The following KLHL32 variants were observed in gnomAD, a reference collection of about 807,000 sequenced individuals.
KLHL32 encodes kelch like family member 32.
A neutral mutation model predicts 64.8 loss-of-function variants in KLHL32; 35 were observed. That is an observed-to-expected ratio of 0.54 (90% CI 0.41 to 0.72). The LOEUF (loss-of-function observed/expected upper bound fraction) is 0.72. Among genes scored for constraint, KLHL32 ranks in the 30% least tolerant of loss-of-function variants. The pLI is 0.00. For missense variants in KLHL32, 589 were observed against 768.5 expected, an observed-to-expected ratio of 0.77 and a Z score of 2.76; for synonymous variants, 259 against 281.0, an observed-to-expected ratio of 0.92 and a Z score of 0.78.
At chr6:96,977,419 G>A (rs1040789932) in intron 3 of KLHL32, among the ~76,000 whole-genome samples, 12 of 152,106 alleles carry the variant, frequency 7.9e-5, no homozygotes, top group South Asian at 2.1e-4. Context: ...TAGCCAGAAT[G>A]TTTTGAAACA....
chr6:97,032,113 G>A (rs1239992296), intron 3 of KLHL32, among the ~76,000 whole-genome samples: 1 of 152,190 alleles, frequency 6.6e-6, no homozygotes, highest in Non-Finnish European at 1.5e-5. Flanking sequence ...TTGCCCACAT[G>A]ACTAGTAGTT....
chr6:96,971,339 G>C (rs1775083787), intron 2 of KLHL32, among the ~76,000 whole-genome samples: 3 of 152,132 alleles, frequency 2.0e-5, no homozygotes, highest in African/African-American at 7.2e-5. Flanking sequence ...TAGGATTTCT[G>C]TGACCAAAAA....
At chr6:96,988,707 A>G (rs1777441900) in intron 3 of KLHL32, among the ~76,000 whole-genome samples, 1 of 152,254 alleles carries the variant, frequency 6.6e-6, no homozygotes, top group Non-Finnish European at 1.5e-5. Context: ...ACCAACCCAA[A>G]TGTCCAACAA....
intron 3 of KLHL32, among the ~76,000 whole-genome samples, chr6:97,034,677 C>T (rs1784039685): frequency 1.3e-5 from 2 of 151,742 alleles, no homozygotes; most frequent in African/African-American, 4.8e-5. Context: ...CTTTGATTTC[C>T]TTCACCAATG....
intron 4 of KLHL32, among the ~76,000 whole-genome samples, chr6:97,046,443 GTGTT>G (rs1175253974): frequency 1.3e-5 from 2 of 152,026 alleles, no homozygotes; most frequent in Non-Finnish European, 2.9e-5. Context: ...AGGCAGAAAA[GTGTT>G]TGGGCATTTA....
chr6:97,105,933 A>C (rs1006628505), intron 6 of KLHL32, among the ~76,000 whole-genome samples: 2 of 152,184 alleles, frequency 1.3e-5, no homozygotes, highest in South Asian at 2.1e-4. Context: ...GAGTGCAATA[A>C]TGTTTATTCT....
intron 5 of KLHL32, among the ~76,000 whole-genome samples, chr6:97,076,136 T>C (rs1269758109): frequency 6.6e-6 from 1 of 152,182 alleles, no homozygotes. Context: ...TTGCTTATGG[T>C]CCAGTATAAT....
intron 5 of KLHL32, among the ~76,000 whole-genome samples, chr6:97,081,695 C>T (rs1183483083): frequency 2.0e-5 from 3 of 152,204 alleles, no homozygotes; most frequent in South Asian, 2.1e-4. Context: ...TATGGACACT[C>T]ATAGTCCTAT....
chr6:96,967,441 A>T (rs1289205241), intron 2 of KLHL32, among the ~76,000 whole-genome samples: 1 of 151,830 alleles, frequency 6.6e-6, no homozygotes, highest in African/African-American at 2.4e-5. Flanking sequence ...ATATATATAG[A>T]TGTGTATATA....
In KLHL32 at chr6:97,021,394, G is replaced by A. The variant is rs191854623; in HGVS notation, c.205-20098G>A. Among the ~76,000 whole-genome samples the A allele has an allele frequency of 5.5e-4, 83 of 150,866 alleles. 5 individuals are homozygous for A. Among genetic ancestry groups the A allele is most frequent in the African/African-American group, 2.0e-3 (81 of 40,214 alleles). On this transcript the variant is annotated intron_variant, in intron 3 of 10. Coordinates refer to ENST00000369261, the MANE Select transcript of KLHL32 (RefSeq NM_052904.4). Reference sequence around the variant, plus strand: ...AGTTTCTGTTGGAAAGCTGGCAGGCGTGAGACCCAGAAAGGGCTGATGTTT... The same window carrying A: ...AGTTTCTGTTGGAAAGCTGGCAGGCATGAGACCCAGAAAGGGCTGATGTTT...
At chr6:97,056,106 C>CTTTTTTTTTTTT (rs1171932769) in intron 4 of KLHL32, among the ~76,000 whole-genome samples, 112 of 85,024 alleles carry the variant, frequency 1.3e-3, no homozygotes, top group East Asian at 3.2e-3. Flanking sequence ...CTTTTTTTTT[C>CTTTTTTTTTTTT]TTTTTTTTTT....
chr6:96,916,144 G>A, the KLHL32 span, among the ~76,000 whole-genome samples: 4 of 151,598 alleles, frequency 2.6e-5, no homozygotes, highest in African/African-American at 7.3e-5. Context: ...TACAGGAATC[G>A]AAAGTGAGGT....
At chr6:97,006,790 T>G (rs1238111569) in intron 3 of KLHL32, among the ~76,000 whole-genome samples, 1 of 152,204 alleles carries the variant, frequency 6.6e-6, no homozygotes, top group Non-Finnish European at 1.5e-5. Flanking sequence ...GTTGGATTTT[T>G]TTTCTTTAAG....
chr6:97,138,762 T>C (rs1800351324), intron 10 of KLHL32, among the ~76,000 whole-genome samples: 1 of 152,222 alleles, frequency 6.6e-6, no homozygotes, highest in Non-Finnish European at 1.5e-5. Flanking sequence ...CAGATGAGGA[T>C]GTTTAAGCCA....
In KLHL32 at chr6:97,140,343, C is replaced by T. The variant is rs560072468; in HGVS notation, c.*1061C>T. 5 of 152,090 alleles carry T rather than the reference C, an allele frequency of 3.3e-5. No homozygotes were observed. In the South Asian group the frequency reaches 1.0e-3, roughly 32 times the overall value. The allele number at this position is 152,090 out of a possible 1,614,324, so 9.4% of individuals were successfully genotyped here. A position where few individuals can be genotyped will look rare whatever the true frequency, so the allele number is the denominator to read the frequency against. Reference sequence around the variant, plus strand: ...TAAAGTGCTTTGACATAAATTTGAACCTAGAATTGGCAGTTCTAATAAAAG... The same window carrying T: ...TAAAGTGCTTTGACATAAATTTGAATCTAGAATTGGCAGTTCTAATAAAAG... On this transcript the variant is annotated 3_prime_UTR_variant, in exon 11 of 11. Transcript: ENST00000369261.
chr6:96,946,793 C>T (rs923531815), intron 1 of KLHL32, among the ~76,000 whole-genome samples: 3 of 151,996 alleles, frequency 2.0e-5, no homozygotes, highest in Middle Eastern at 3.2e-3. Flanking sequence ...TTTACTATTC[C>T]TCTGGATTGG....
intron 10 of KLHL32, among the ~76,000 whole-genome samples, chr6:97,134,016 C>T (rs1799721012): frequency 6.6e-6 from 1 of 151,766 alleles, no homozygotes; most frequent in East Asian, 1.9e-4. Flanking sequence ...AAAAAAAACC[C>T]CTACATAACT....
chr6:96,977,166 T>C (rs1377240273), intron 3 of KLHL32, among the ~76,000 whole-genome samples: 1 of 152,220 alleles, frequency 6.6e-6, no homozygotes, highest in African/African-American at 2.4e-5. Context: ...GGATTTTATA[T>C]GCATATCTCA....
At chr6:97,047,526 C>G (rs1215992532) in intron 4 of KLHL32, among the ~76,000 whole-genome samples, 1 of 152,218 alleles carries the variant, frequency 6.6e-6, no homozygotes, top group Non-Finnish European at 1.5e-5. Flanking sequence ...CAAAGTGAAT[C>G]TAAGAAAATA....
Sources: gnomAD v4.1 joint callset for allele counts (sites outside exome capture counted in the v4.1 genomes callset) on GRCh38, gnomAD v4.1.1 for gene constraint, MANE v1.5 for transcripts, NCBI Gene and HGNC (gene_info 2026-07-23, HGNC 2026-07-21) for gene names.